Variants in INO80 observed in about 807,000 individuals in gnomAD.
INO80 encodes the protein chromatin-remodeling ATPase INO80.
A neutral mutation model predicts 203.4 loss-of-function variants in INO80; 20 were observed. The ratio of observed to expected loss-of-function variants is 0.10; its 90% CI spans 0.07 to 0.14. INO80 has a LOEUF of 0.14. Among genes scored for constraint, INO80 ranks in the 10% least tolerant of loss-of-function variants. The probability of loss-of-function intolerance (pLI) is 1.00; values close to 1 mark genes in which losing one functional copy is unlikely to be tolerated. For synonymous variants in INO80, 726 were observed against 685.2 expected (o/e 1.06, Z -0.93); for missense variants, 1,419 against 1,914.4 (o/e 0.74, Z 4.83).
intron 13 of INO80, 120 bp downstream of exon 13, chr15:41,070,347 C>A (rs1321779012): frequency 4.5e-6 from 4 of 887,870 alleles, no homozygotes. Flanking sequence ...GAGGCAAGAA[C>A]CCAGTCCCAC....
chr15:41,092,708 G>A (rs2045662919), intron 4 of INO80, among the ~76,000 whole-genome samples: 1 of 152,126 alleles, frequency 6.6e-6, no homozygotes, highest in Non-Finnish European at 1.5e-5. Flanking sequence ...AAAATATTAT[G>A]CTCAATTAAA....
intron 29 of INO80, among the ~76,000 whole-genome samples, chr15:40,996,949 G>A (rs1309845330): frequency 1.3e-5 from 2 of 152,162 alleles, no homozygotes; most frequent in Non-Finnish European, 2.9e-5. Context: ...CACATAGTAG[G>A]CATTAGTGAA....
At chr15:41,077,859 A>C (rs1291409829) in intron 9 of INO80, among the ~76,000 whole-genome samples, 1 of 151,990 alleles carries the variant, frequency 6.6e-6, no homozygotes, top group Non-Finnish European at 1.5e-5. Context: ...ACTCAGCCTA[A>C]GGAAAACTTT....
intron 24 of INO80, among the ~76,000 whole-genome samples, chr15:41,038,936 G>A (rs1252414110): frequency 1.3e-5 from 2 of 152,182 alleles, no homozygotes; most frequent in South Asian, 2.1e-4. Flanking sequence ...ACTTGACCCC[G>A]AGGAATACAA....
Position 40,986,610 on chromosome 15 carries a change from C to T in INO80, c.3832+481G>A, listed in dbSNP as rs186350682. Reference sequence around the variant, plus strand: ...AAGTGCTGGGATTACAGGTGTGAGCCGTCTTGTGTTTTTTGTTTTTGTTTG... The same window carrying T: ...AAGTGCTGGGATTACAGGTGTGAGCTGTCTTGTGTTTTTTGTTTTTGTTTG... On this transcript the variant is annotated intron_variant, in intron 31 of 35. Coordinates refer to ENST00000648947, the MANE Select transcript of INO80 (RefSeq NM_017553.3). Among the ~76,000 whole-genome samples the T allele has an allele frequency of 2.9e-4, 44 of 151,544 alleles. 1 individual carries two copies. The highest frequency in any genetic ancestry group is 7.2e-4 in the Admixed American group (11 of 15,198).
chr15:41,069,204 C>A (rs2045272457), intron 14 of INO80, among the ~76,000 whole-genome samples: 1 of 152,072 alleles, frequency 6.6e-6, no homozygotes, highest in South Asian at 2.1e-4. Flanking sequence ...TCTCGGCTTG[C>A]TACAACCTCC....
intron 35 of INO80, 135 bp downstream of exon 35, chr15:40,982,724 AAAG>A (rs374630020): frequency 4.7e-5 from 32 of 680,944 alleles, no homozygotes; most frequent in African/African-American, 3.6e-4. Flanking sequence ...TGCTTATTAC[AAAG>A]AAGAAGAACC....
intron 29 of INO80, among the ~76,000 whole-genome samples, chr15:40,991,780 C>A (rs1288098972): frequency 6.8e-6 from 1 of 146,020 alleles, no homozygotes; most frequent in African/African-American, 2.5e-5. Context: ...AAATTTCTTT[C>A]TTTTTTTTTT....
rs551712816 is a variant in INO80 at position 41,005,024 on chromosome 15, G to A, written c.3497+569C>T. The stretch of plus-strand genomic sequence containing the variant: ...AGTCTGGCCAACATGGTGAAATCCT[G>A]TCCCTACTAAAAATACAAAAATTAG... On this transcript the variant is annotated intron_variant, in intron 28 of 35. Coordinates refer to ENST00000648947, the MANE Select transcript of INO80 (RefSeq NM_017553.3). Among the ~76,000 whole-genome samples the A allele has an allele frequency of 2.7e-3, 408 of 151,856 alleles. 3 individuals carry two copies. The highest frequency in any genetic ancestry group is 0.013 in the South Asian group (61 of 4,804).
intron 5 of INO80, among the ~76,000 whole-genome samples, chr15:41,091,648 CTCTT>C (rs1212798180): frequency 8.8e-5 from 12 of 136,866 alleles, no homozygotes; most frequent in African/African-American, 3.5e-4. Context: ...AATGATGTAT[CTCTT>C]TTTTTTTTTT....
intron 11 of INO80, among the ~76,000 whole-genome samples, chr15:41,073,189 T>C (rs1439079178): frequency 6.6e-6 from 1 of 152,184 alleles, no homozygotes; most frequent in Non-Finnish European, 1.5e-5. Context: ...AATTAACACA[T>C]TGCTAAAGCT....
At chr15:40,993,785 A>AAAAG (rs2043846160) in intron 29 of INO80, among the ~76,000 whole-genome samples, 1 of 151,554 alleles carries the variant, frequency 6.6e-6, no homozygotes. Flanking sequence ...AATAAAAAGA[A>AAAAG]AAAGAAAATA....
chr15:41,073,503 G>A lies in INO80; in HGVS notation c.1328-8C>T. ...CTTTAAAATGGTTACTATCTGAAAA[G>A]CAAAATTTATGGATTATCACACTTT... is the stretch of plus-strand genomic sequence containing the variant. On this transcript the variant is annotated splice_polypyrimidine_tract_variant and splice_region_variant and intron_variant, in intron 10 of 35. Coordinates refer to ENST00000648947, the MANE Select transcript of INO80 (RefSeq NM_017553.3). 1.9e-6 allele frequency: 3 copies of A among 1,610,434 alleles called. No homozygotes were observed. The highest frequency in any genetic ancestry group is 1.7e-5 in the Admixed American group (1 of 59,990).
At chr15:41,064,251 T>C (rs1465326101) in intron 14 of INO80, among the ~76,000 whole-genome samples, 1 of 152,140 alleles carries the variant, frequency 6.6e-6, no homozygotes, top group Non-Finnish European at 1.5e-5. Context: ...GACATAAAAA[T>C]GAGGGTTCAA....
intron 6 of INO80, 117 bp from the exon 7 acceptor site, chr15:41,085,700 A>T: frequency 1.4e-6 from 1 of 700,366 alleles, no homozygotes. Context: ...GACAACACAT[A>T]TCCCTTTATC....
intron 4 of INO80, among the ~76,000 whole-genome samples, chr15:41,092,772 C>A (rs1197080626): frequency 6.6e-6 from 1 of 152,180 alleles, no homozygotes; most frequent in African/African-American, 2.4e-5. Flanking sequence ...TACGAAATGT[C>A]TAGGCTGGGA....
At chr15:41,075,291 A>G (rs1555405292) in intron 9 of INO80, among the ~76,000 whole-genome samples, 1 of 143,872 alleles carries the variant, frequency 7.0e-6, no homozygotes, top group Admixed American at 6.9e-5. Context: ...TTTTTTTTTG[A>G]GACAAGTCTA....
chr15:41,096,047 G>T, intron 2 of INO80, 119 bp from the exon 3 acceptor site: 1 of 1,409,626 alleles, frequency 7.1e-7, no homozygotes, highest in Non-Finnish European at 9.5e-7. Context: ...TTTTTTATTT[G>T]AAAGAGGCAA....
chr15:41,068,767 G>T (rs2045263751), intron 14 of INO80, among the ~76,000 whole-genome samples: 1 of 152,200 alleles, frequency 6.6e-6, no homozygotes, highest in African/African-American at 2.4e-5. Context: ...GGCTGAGGCA[G>T]GAGGATTGCT....
Sources: gnomAD v4.1 joint callset for allele counts (sites outside exome capture counted in the v4.1 genomes callset) on GRCh38, gnomAD v4.1.1 for gene constraint, MANE v1.5 for transcripts, NCBI Gene and HGNC (gene_info 2026-07-23, HGNC 2026-07-21) for gene names.